The following ZNF536 variants were observed in gnomAD, a reference collection of about 807,000 sequenced individuals.
ZNF536 encodes zinc finger protein 536.
ZNF536 carries 13 observed loss-of-function variants against 84.5 expected under a neutral mutation model. That is an observed-to-expected ratio of 0.15 (90% confidence interval 0.10 to 0.24). ZNF536 has a LOEUF of 0.24. ZNF536 is among the 10% of genes least tolerant of loss of function. The pLI is 1.00. For synonymous variants in ZNF536, 811 were observed against 742.5 expected, an observed-to-expected ratio of 1.09 and a Z score of -1.50; for missense variants, 1,536 against 1,747.5, an observed-to-expected ratio of 0.88 and a Z score of 2.16.
chr19:30,350,480 G>A (rs1015347182), intron 2 of ZNF536, among the ~76,000 whole-genome samples: 1 of 152,194 alleles, frequency 6.6e-6, no homozygotes, highest in African/African-American at 2.4e-5. Flanking sequence ...ATTAATGTGT[G>A]CAATCAATTA....
intron 1 of ZNF536, among the ~76,000 whole-genome samples, chr19:30,632,500 G>A (rs1051418826): frequency 4.6e-5 from 7 of 152,160 alleles, no homozygotes; most frequent in Non-Finnish European, 1.0e-4. Context: ...CAGCTACTCA[G>A]GAGGCTGAGG....
At chr19:30,415,331 CTCTTCT>C (rs946418225) in intron 1 of ZNF536, among the ~76,000 whole-genome samples, 1 of 138,332 alleles carries the variant, frequency 7.2e-6, no homozygotes, top group Admixed American at 7.4e-5. Flanking sequence ...CTTCTTCTTC[CTCTTCT>C]TCTTCTTCGT....
chr19:30,413,764 T>C (rs1358961928), intron 1 of ZNF536, among the ~76,000 whole-genome samples: 1 of 152,130 alleles, frequency 6.6e-6, no homozygotes, highest in Non-Finnish European at 1.5e-5. Flanking sequence ...TCCTTGAAGT[T>C]CTTTGATAGA....
chr19:30,445,269 G>A lies in ZNF536; in HGVS notation c.1707G>A (p.Val569=), dbSNP rs1051849078. 6.2e-7 allele frequency: 1 copy of A among 1,614,186 alleles called. No individual in the cohort carries two copies. Among genetic ancestry groups the A allele is most frequent in the Non-Finnish European group, 8.5e-7 (1 of 1,180,046 alleles). ...FDKEKREYVL[V]GADGSKQKMP... Reference sequence around the variant, plus strand: ...AGGAGAAGCGGGAGTACGTGTTAGTGGGAGCAGATGGCTCCAAGCAGAAAA... The same window carrying A: ...AGGAGAAGCGGGAGTACGTGTTAGTAGGAGCAGATGGCTCCAAGCAGAAAA... The change falls in exon 2 of 5, where the codon GTG becomes GTA. Residue 569 remains valine, a synonymous_variant. Coordinates refer to ENST00000355537, the MANE Select transcript of ZNF536 (RefSeq NM_014717.3). The surrounding 1 kb of genome is among the most constrained non-coding windows in gnomAD (Gnocchi z 4.5).
intron 1 of ZNF536, among the ~76,000 whole-genome samples, chr19:30,418,687 A>G (rs775966399): frequency 1.3e-5 from 2 of 152,186 alleles, no homozygotes; most frequent in Admixed American, 6.5e-5. Flanking sequence ...AAGGGTGTCT[A>G]TGATGATGTG....
chr19:30,704,329 T>G (rs1244831646), intron 1 of ZNF536, among the ~76,000 whole-genome samples: 1 of 152,278 alleles, frequency 6.6e-6, no homozygotes, highest in Non-Finnish European at 1.5e-5. Flanking sequence ...ACAGGCAACA[T>G]GGCTGGTCTT....
At chr19:30,568,698 A>T (rs1197090651) in intron 1 of ZNF536, among the ~76,000 whole-genome samples, 2 of 152,184 alleles carry the variant, frequency 1.3e-5, no homozygotes, top group Non-Finnish European at 2.9e-5. Context: ...CTGGCTGGGG[A>T]CACTGGCAAT....
At chr19:30,488,305 AG>A (rs962061400) in intron 2 of ZNF536, among the ~76,000 whole-genome samples, 3 of 151,936 alleles carry the variant, frequency 2.0e-5, no homozygotes, top group African/African-American at 7.3e-5. Context: ...TGGCCCTCTA[AG>A]GTGTTCTGCA....
chr19:30,440,916 TAGA>T (rs2052011764), intron 1 of ZNF536, among the ~76,000 whole-genome samples: 1 of 151,802 alleles, frequency 6.6e-6, no homozygotes, highest in African/African-American at 2.4e-5. Context: ...GATAGATAGA[TAGA>T]TAGATAGATA....
In ZNF536 at chr19:30,444,414, G is replaced by A. The variant is rs2148182716; in HGVS notation, c.852G>A (p.Lys284=). The A allele has an allele frequency of 2.5e-6, 4 of 1,607,938 alleles. No homozygotes were observed. Among genetic ancestry groups the A allele is most frequent in the Non-Finnish European group, 3.4e-6 (4 of 1,179,820 alleles). Residue 284 remains lysine, a synonymous_variant, in exon 2 of 5, where the codon AAG becomes AAA. Coordinates refer to ENST00000355537, the MANE Select transcript of ZNF536 (RefSeq NM_014717.3). ...GTACCTTCTGCAAGGGCAAGTTCAA[G>A]AAGCGCGAGGAGCTGGACCGCCACA... ...FRCTFCKGKF[K]KREELDRHIR...
Position 30,445,909 on chromosome 19 carries a change from C to T in ZNF536, c.2170+177C>T, listed in dbSNP as rs532752098. Among the ~76,000 whole-genome samples the T allele has an allele frequency of 1.0e-3, 152 of 152,114 alleles. No individual in the cohort carries two copies. The highest frequency in any genetic ancestry group is 3.5e-3 in the African/African-American group (147 of 41,530). On this transcript the variant is annotated intron_variant, in intron 2 of 4. Coordinates refer to ENST00000355537, the MANE Select transcript of ZNF536 (RefSeq NM_014717.3). The surrounding 1 kb of genome is among the most constrained non-coding windows in gnomAD (Gnocchi z 4.5). Reference sequence around the variant, plus strand: ...CCCCCCCTGACTGGAGGGAAAGGGCCGTCCTTTCACCTCTTAGGCCTTCCC... The same window carrying T: ...CCCCCCCTGACTGGAGGGAAAGGGCTGTCCTTTCACCTCTTAGGCCTTCCC...
chr19:30,565,014 C>T (rs970511776), intron 1 of ZNF536, among the ~76,000 whole-genome samples: 14 of 152,032 alleles, frequency 9.2e-5, no homozygotes, highest in African/African-American at 3.1e-4. Context: ...CGTGCCATCG[C>T]CTTGTCCGGG....
upstream of ZNF536, among the ~76,000 whole-genome samples, chr19:30,367,900 A>G (rs2048488824): frequency 6.6e-6 from 1 of 151,510 alleles, no homozygotes; most frequent in Non-Finnish European, 1.5e-5. Context: ...GCACCTTCCC[A>G]TGTCGGTTTT....
chr19:30,332,187 C>T lies in ZNF536; in HGVS notation c.-119-20181C>T, dbSNP rs1466050832. On this transcript the variant is annotated intron_variant, in intron 2 of 5. Coordinates refer to the ZNF536 transcript ENST00000585628. The stretch of plus-strand genomic sequence containing the variant: ...CCACACTGGCTTTTCTCCTCTTTGC[C>T]CCCCGGCCTCAGCTACTGATCTCAT... Among the ~76,000 whole-genome samples, 7 of 152,128 alleles carry T rather than the reference C, an allele frequency of 4.6e-5. No individual in the cohort carries two copies. In the South Asian group the frequency reaches 1.2e-3, roughly 27 times the overall value.
intron 1 of ZNF536, among the ~76,000 whole-genome samples, chr19:30,256,783 C>A (rs1244106202): frequency 2.0e-5 from 3 of 152,182 alleles, no homozygotes; most frequent in African/African-American, 4.8e-5. Flanking sequence ...TTTTTGAAGA[C>A]TTCCGGGAGA....
At chr19:30,707,715 AT>A (rs895539524) in intron 1 of ZNF536, among the ~76,000 whole-genome samples, 1 of 152,218 alleles carries the variant, frequency 6.6e-6, no homozygotes, top group African/African-American at 2.4e-5. Flanking sequence ...CTATCCAAAA[AT>A]GTGTAATTCC....
At chr19:30,384,760 C>T (rs778603849) in intron 1 of ZNF536, among the ~76,000 whole-genome samples, 6 of 152,178 alleles carry the variant, frequency 3.9e-5, no homozygotes, top group Non-Finnish European at 5.9e-5. Flanking sequence ...GGCATGGTGG[C>T]TTACATCTTT....
At chr19:30,571,885 G>A (rs150946901) in intron 1 of ZNF536, among the ~76,000 whole-genome samples, 1 of 152,146 alleles carries the variant, frequency 6.6e-6, no homozygotes, top group Admixed American at 6.5e-5. Context: ...CATTTGATAG[G>A]GAGGTTGGAG....
chr19:30,528,084 C>A (rs762868562), intron 2 of ZNF536, among the ~76,000 whole-genome samples: 1 of 152,156 alleles, frequency 6.6e-6, no homozygotes, highest in Non-Finnish European at 1.5e-5. Context: ...ATACTAGAAG[C>A]TCCATAGAAA....
Sources: gnomAD v4.1 joint callset for allele counts (sites outside exome capture counted in the v4.1 genomes callset) on GRCh38, gnomAD v4.1.1 for gene constraint, Gnocchi (gnomAD v3.1) non-coding constraint, MANE v1.5 for transcripts, NCBI Gene and HGNC (gene_info 2026-07-23, HGNC 2026-07-21) for gene names.